The following ZAP70 variants were observed in gnomAD, a reference collection of about 807,000 sequenced individuals.
ZAP70 encodes zeta chain of T cell receptor associated protein kinase 70, also known as tyrosine-protein kinase ZAP-70.
In ZAP70, 27 loss-of-function variants were observed where a neutral mutation model predicts 65.8. The ratio of observed to expected loss-of-function variants is 0.41; its 90% CI spans 0.30 to 0.57. ZAP70 has a LOEUF of 0.57. Among genes scored for constraint, ZAP70 ranks in the 20% least tolerant of loss-of-function variants. The pLI is 0.28. For missense variants in ZAP70, 696 were observed against 870.5 expected (o/e 0.80, Z 2.52); for synonymous variants, 363 against 360.8 (o/e 1.01, Z -0.07).
chr2:97,725,218 CTT>C lies in ZAP70; in HGVS notation c.531_532del (p.Tyr178LeufsTer52). The C allele has an allele frequency of 6.2e-7, 1 of 1,614,122 alleles. No homozygotes were observed. Among genetic ancestry groups the C allele is most frequent in the Non-Finnish European group, 8.5e-7 (1 of 1,179,954 alleles). On this transcript the variant is annotated frameshift_variant, in exon 4 of 14. Coordinates refer to ENST00000264972, the MANE Select transcript of ZAP70 (RefSeq NM_001079.4). LOFTEE classifies it high-confidence loss of function. ...GACGCGTGAGGAGGCCGAGCGCAAACTTTACTCTGGGGCGCAGACCGACGGCA... is the reference window on the plus strand; with the variant it reads ...GACGCGTGAGGAGGCCGAGCGCAAACTACTCTGGGGCGCAGACCGACGGCA... The part of the protein sequence containing the change: ...SLTREEAERK[L>X]YSGAQTDGKF...
downstream of ZAP70, among the ~76,000 whole-genome samples, chr2:97,741,983 G>A (rs1271905450): frequency 6.6e-6 from 1 of 152,210 alleles, no homozygotes; most frequent in Non-Finnish European, 1.5e-5. Flanking sequence ...CCTTAGCTGA[G>A]TTCTGAAGGG....
chr2:97,755,149 G>GC, the ZAP70 span, among the ~76,000 whole-genome samples: 1 of 152,176 alleles, frequency 6.6e-6, no homozygotes, highest in Non-Finnish European at 1.5e-5. Context: ...AATGAGAAAA[G>GC]CAAGTTGGAA....
intron 2 of ZAP70, among the ~76,000 whole-genome samples, chr2:97,717,718 C>A (rs533637825): frequency 6.6e-6 from 1 of 152,362 alleles, no homozygotes; most frequent in East Asian, 1.9e-4. Flanking sequence ...CTTCTCGGAG[C>A]CTTTAATGTG....
intron 2 of ZAP70, among the ~76,000 whole-genome samples, chr2:97,721,349 C>T (rs532659153): frequency 1.3e-5 from 2 of 152,114 alleles, no homozygotes; most frequent in African/African-American, 4.8e-5. Context: ...ATGAATCACT[C>T]GATACACATT....
chr2:97,742,404 G>C (rs1331781920), downstream of ZAP70, among the ~76,000 whole-genome samples: 1 of 152,252 alleles, frequency 6.6e-6, no homozygotes, highest in Admixed American at 6.5e-5. Context: ...GCCACCTCTT[G>C]CTGTGAACGT....
Position 97,737,760 on chromosome 2 carries a change from C to T in ZAP70, c.1486C>T (p.Arg496Cys), listed in dbSNP as rs770902102. Residue 496 changes from arginine (R) to cysteine (C), a missense_variant, in exon 12 of 14, where the codon CGC (arginine) becomes TGC (cysteine). Physicochemically the swap from Arg to Cys is radical, Grantham distance 180. This residue lies in a region of ZAP70 where 67 missense variants were observed against 151.9 expected (regional missense o/e 0.44). Transcript: ENST00000264972. This position sits in a 1 kb window ranked among gnomAD's most constrained non-coding sequence, Gnocchi z 5.0. Reference protein sequence around the residue: ...LGADDSYYTARSAGKWPLKWY... With the variant: ...LGADDSYYTACSAGKWPLKWY... The stretch of plus-strand genomic sequence containing the variant: ...AGCAGCATCTCCCCCTCCCCAGGCC[C>T]GCTCAGCAGGGAAGTGGCCGCTCAA... 6 of 1,614,000 alleles carry T rather than the reference C, an allele frequency of 3.7e-6. No homozygotes were observed. Among genetic ancestry groups the T allele is most frequent in the South Asian group, 1.1e-5 (1 of 91,088 alleles).
At chr2:97,717,692 G>A (rs1228489579) in intron 2 of ZAP70, among the ~76,000 whole-genome samples, 1 of 152,240 alleles carries the variant, frequency 6.6e-6, no homozygotes, top group Non-Finnish European at 1.5e-5. Flanking sequence ...CGCTGAAAGA[G>A]GTCCTTCCAT....
At position 97,731,449 on chromosome 2, in the gene ZAP70, G is replaced by A. The variant is rs1289687094; in HGVS notation, c.564-1434G>A. Among the ~76,000 whole-genome samples the A allele has an allele frequency of 6.6e-6, 1 of 152,106 alleles. No homozygotes were observed. The highest frequency in any genetic ancestry group is 6.6e-5 in the Admixed American group (1 of 15,266). ...GGATGTTTGTTTCCTAATTTGTGGT[G>A]GGTTCTCTTCCTTGCCCTTTTGTGT... On this transcript the variant is annotated intron_variant, in intron 4 of 13. Coordinates refer to ENST00000264972, the MANE Select transcript of ZAP70 (RefSeq NM_001079.4). This position sits in a 1 kb window ranked among gnomAD's most constrained non-coding sequence, Gnocchi z 4.0.
chr2:97,733,455 ACT>A, intron 7 of ZAP70, 87 bp from the exon 8 acceptor site: 2 of 1,607,780 alleles, frequency 1.2e-6, no homozygotes, highest in Non-Finnish European at 1.7e-6. Context: ...CTCTCTCTCC[ACT>A]GTCTCTGGGA....
At position 97,737,938 on chromosome 2, in the gene ZAP70, G is replaced by A. The variant is rs1422753220; in HGVS notation, c.1623+41G>A. The stretch of plus-strand genomic sequence containing the variant: ...GGCAGGTGGGCGGTGTGGTGGGGAG[G>A]GGGATGAGGAGGAGGACACTGGTCA... On this transcript the variant is annotated intron_variant, in intron 12 of 13. Transcript: ENST00000264972. This position sits in a 1 kb window ranked among gnomAD's most constrained non-coding sequence, Gnocchi z 5.0. The A allele has an allele frequency of 9.9e-6, 16 of 1,613,998 alleles. No homozygotes were observed. The highest frequency in any genetic ancestry group is 1.4e-5 in the Non-Finnish European group (16 of 1,179,900).
In ZAP70 at chr2:97,737,399, C is replaced by T; in HGVS notation, c.1290-74C>T. ...TCACCTGGCTCATGCCCAGCTGGGT[C>T]AGAGAAGCATGCTTTGCCCCTGGGA... On this transcript the variant is annotated intron_variant, in intron 10 of 13. Coordinates refer to ENST00000264972, the MANE Select transcript of ZAP70 (RefSeq NM_001079.4). This position sits in a 1 kb window ranked among gnomAD's most constrained non-coding sequence, Gnocchi z 5.0. 2.0e-6 allele frequency: 3 copies of T among 1,534,232 alleles called. No individual in the cohort carries two copies. Among genetic ancestry groups the T allele is most frequent in the Non-Finnish European group, 2.7e-6 (3 of 1,109,578 alleles).
chr2:97,743,914 G>A (rs1015576743), downstream of ZAP70, among the ~76,000 whole-genome samples: 1 of 152,206 alleles, frequency 6.6e-6, no homozygotes, highest in Non-Finnish European at 1.5e-5. Context: ...CTCCTAATGG[G>A]TAGGTGGTGG....
At chr2:97,751,081 G>A in the ZAP70 span, among the ~76,000 whole-genome samples, 11 of 152,198 alleles carry the variant, frequency 7.2e-5, no homozygotes, top group Non-Finnish European at 1.2e-4. Flanking sequence ...ATGGATTACT[G>A]GAGACGTGGG....
At chr2:97,719,824 C>T (rs776018316) in intron 2 of ZAP70, among the ~76,000 whole-genome samples, 2 of 152,260 alleles carry the variant, frequency 1.3e-5, no homozygotes, top group Non-Finnish European at 2.9e-5. Flanking sequence ...AAGATACAGA[C>T]TATTCCCCCA....
chr2:97,755,529 A>G, the ZAP70 span, among the ~76,000 whole-genome samples: 1 of 152,184 alleles, frequency 6.6e-6, no homozygotes, highest in African/African-American at 2.4e-5. Flanking sequence ...GCATTTTAAT[A>G]CCAGTGGGTA....
the ZAP70 span, among the ~76,000 whole-genome samples, chr2:97,752,061 G>C: frequency 7.0e-6 from 1 of 142,890 alleles, no homozygotes; most frequent in African/African-American, 2.7e-5. Flanking sequence ...TTTCCAGGTT[G>C]GAAAACAAAA....
the ZAP70 span, among the ~76,000 whole-genome samples, chr2:97,750,464 AAC>A: frequency 2.6e-5 from 4 of 152,240 alleles, no homozygotes; most frequent in Non-Finnish European, 5.9e-5. Flanking sequence ...CACCAGAGTT[AAC>A]AGTTTTTTCC....
chr2:97,734,311 T>G, intron 8 of ZAP70: 1 of 1,386,654 alleles, frequency 7.2e-7, no homozygotes, highest in East Asian at 2.5e-5. Flanking sequence ...TCCACCCTCA[T>G]GTGGCTTCAT....
rs903125517 is a variant in ZAP70, at chr2:97,733,025, G to A, written c.702+4G>A. 2.5e-6 allele frequency: 4 copies of A among 1,613,988 alleles called. No homozygotes were observed. Among genetic ancestry groups the A allele is most frequent in the Non-Finnish European group, 3.4e-6 (4 of 1,180,046 alleles). ...CAAGTTTGACACGCTCTGGCAGGTA[G>A]GCTGCCCGTGCAACTTGTTCTGGGA... On this transcript the variant is annotated splice_donor_region_variant and intron_variant, in intron 5 of 13. Transcript: ENST00000264972.
Sources: gnomAD v4.1 joint callset for allele counts (sites outside exome capture counted in the v4.1 genomes callset) on GRCh38, gnomAD v4.1.1 for gene constraint, gnomAD v4.1.1 regional missense constraint, Gnocchi (gnomAD v3.1) non-coding constraint, MANE v1.5 for transcripts, NCBI Gene and HGNC (gene_info 2026-07-23, HGNC 2026-07-21) for gene names.